The following PDE7B variants were observed in gnomAD, a reference collection of about 807,000 sequenced individuals.
PDE7B encodes the protein phosphodiesterase 7B.
PDE7B carries 29 observed loss-of-function variants against 56.2 expected under a neutral mutation model. That is an observed-to-expected ratio of 0.52 (90% CI 0.38 to 0.70). PDE7B has a LOEUF of 0.70. PDE7B is among the 30% of genes least tolerant of loss of function. PDE7B has a pLI of 0.00. For missense variants in PDE7B, 490 were observed against 565.0 expected (o/e 0.87, Z 1.35); for synonymous variants, 197 against 196.9 (o/e 1.00, Z 0.00).
At chr6:135,935,190 T>TTATTTATATATATATATATA (rs1554268032) in intron 1 of PDE7B, among the ~76,000 whole-genome samples, 2 of 36,190 alleles carry the variant, frequency 5.5e-5, no homozygotes, top group South Asian at 1.0e-3. Context: ...ATATATTTAT[T>TTATTTATATATATATATATA]TATATATATA....
intron 1 of PDE7B, among the ~76,000 whole-genome samples, chr6:135,937,241 C>T (rs1440629582): frequency 6.6e-6 from 1 of 152,212 alleles, no homozygotes; most frequent in Non-Finnish European, 1.5e-5. Flanking sequence ...TGGGATCTCT[C>T]TATTGCCTTG....
At chr6:135,994,362 A>G (rs1343586582) in intron 2 of PDE7B, among the ~76,000 whole-genome samples, 1 of 152,224 alleles carries the variant, frequency 6.6e-6, no homozygotes, top group Non-Finnish European at 1.5e-5. Context: ...GGTGAAAAAA[A>G]TAGTATGGTT....
At chr6:135,873,036 C>T (rs1219609661) in intron 1 of PDE7B, among the ~76,000 whole-genome samples, 2 of 152,048 alleles carry the variant, frequency 1.3e-5, no homozygotes, top group Non-Finnish European at 2.9e-5. Flanking sequence ...TAAATAGAAA[C>T]GTTCTATGTA....
rs1775246135 is a variant in PDE7B at position 135,865,741 on chromosome 6, GCTTC to G, written c.21+13723_21+13726del. 3.9e-5 allele frequency among the ~76,000 whole-genome samples: 6 copies of G among 151,920 alleles called. No individual in the cohort carries two copies. In the South Asian group the frequency reaches 1.3e-3, roughly 32 times the overall value. ...CTGTCTCTAGATAGGATCTACATTT[GCTTC>G]AGCAGTTATCAGTGGTAATAACAAT... On this transcript the variant is annotated intron_variant, in intron 1 of 12. Coordinates refer to ENST00000308191, the MANE Select transcript of PDE7B (RefSeq NM_018945.4).
At chr6:136,074,115 T>C (rs1777092160) in intron 2 of PDE7B, among the ~76,000 whole-genome samples, 1 of 152,046 alleles carries the variant, frequency 6.6e-6, no homozygotes, top group Non-Finnish European at 1.5e-5. Flanking sequence ...TCCCAGCTAC[T>C]TGGGTAAAAG....
intron 3 of PDE7B, among the ~76,000 whole-genome samples, chr6:136,130,456 G>A (rs537847072): frequency 6.6e-6 from 1 of 152,292 alleles, no homozygotes; most frequent in South Asian, 2.1e-4. Flanking sequence ...CATCAAGTGT[G>A]AGCGGCAAAG....
At chr6:135,927,066 C>G (rs79509951) in intron 1 of PDE7B, among the ~76,000 whole-genome samples, 2 of 152,192 alleles carry the variant, frequency 1.3e-5, no homozygotes, top group African/African-American at 4.8e-5. Context: ...GTTTAATGAG[C>G]TTTTTCTGGA....
At chr6:135,967,213 G>A (rs955753877) in intron 2 of PDE7B, among the ~76,000 whole-genome samples, 2 of 152,098 alleles carry the variant, frequency 1.3e-5, no homozygotes, top group African/African-American at 4.8e-5. Context: ...TCCTTCCCCA[G>A]ATTGTACACC....
intron 1 of PDE7B, among the ~76,000 whole-genome samples, chr6:135,914,953 T>C (rs1166872816): frequency 6.6e-6 from 1 of 151,572 alleles, no homozygotes; most frequent in East Asian, 1.9e-4. Flanking sequence ...ATTAGCCAGG[T>C]GTGGTGGCAG....
At chr6:136,153,549 C>T (rs1778558986) in intron 6 of PDE7B, among the ~76,000 whole-genome samples, 1 of 152,132 alleles carries the variant, frequency 6.6e-6, no homozygotes, top group East Asian at 1.9e-4. Flanking sequence ...AAGAAGTCCA[C>T]AGTTGGATCA....
At chr6:135,858,201 G>A (rs1430045317) in intron 1 of PDE7B, among the ~76,000 whole-genome samples, 1 of 151,990 alleles carries the variant, frequency 6.6e-6, no homozygotes, top group East Asian at 1.9e-4. Context: ...TGCCCAGGGT[G>A]GAGTGAAGTG....
At chr6:135,988,835 C>A (rs947642145) in intron 2 of PDE7B, among the ~76,000 whole-genome samples, 1 of 152,110 alleles carries the variant, frequency 6.6e-6, no homozygotes, top group African/African-American at 2.4e-5. Context: ...GGCTGTATCT[C>A]TTTTATAGAA....
chr6:135,986,885 C>T (rs1364372632), intron 2 of PDE7B, among the ~76,000 whole-genome samples: 2 of 152,198 alleles, frequency 1.3e-5, no homozygotes, highest in Non-Finnish European at 2.9e-5. Context: ...GTGACCAGTG[C>T]CGTCCTAGGT....
At position 136,191,951 on chromosome 6, in the gene PDE7B, G is replaced by GCGTTCCAAAGAGCCCCA; in HGVS notation, c.*111_*112insCGTTCCAAAGAGCCCCA. On this transcript the variant is annotated 3_prime_UTR_variant, in exon 13 of 13. Coordinates refer to ENST00000308191, the MANE Select transcript of PDE7B (RefSeq NM_018945.4). ...CAGCCACTTTCTGAGTGTTGTCCTG[G>GCGTTCCAAAGAGCCCCA]GGCTCTTTGGAACGCCATCTTCCTC... 2.5e-6 allele frequency: 2 copies of GCGTTCCAAAGAGCCCCA among 790,122 alleles called. No individual in the cohort carries two copies. The highest frequency in any genetic ancestry group is 4.0e-6 in the Non-Finnish European group (2 of 500,006). The allele number at this position is 790,122 out of a possible 1,614,324, so 48.9% of individuals were successfully genotyped here.
chr6:136,153,924 C>A, intron 6 of PDE7B, 151 bp from the exon 7 acceptor site: 1 of 586,174 alleles, frequency 1.7e-6, no homozygotes, highest in South Asian at 2.2e-5. Context: ...AACTGCCAAG[C>A]TTGCAAACCA....
At chr6:135,887,042 T>C (rs1316101387) in intron 1 of PDE7B, among the ~76,000 whole-genome samples, 1 of 152,188 alleles carries the variant, frequency 6.6e-6, no homozygotes, top group Non-Finnish European at 1.5e-5. Context: ...TTTTTTGTCT[T>C]TTTAATAATA....
intron 2 of PDE7B, among the ~76,000 whole-genome samples, chr6:136,021,272 C>T (rs1776066044): frequency 6.6e-6 from 1 of 152,188 alleles, no homozygotes; most frequent in East Asian, 1.9e-4. Flanking sequence ...TTCTTACTAT[C>T]CCAGCAAATA....
At chr6:135,996,771 C>T (rs17238980) in intron 2 of PDE7B, among the ~76,000 whole-genome samples, 436 of 152,306 alleles carry the variant, frequency 2.9e-3, no homozygotes, top group Non-Finnish European at 5.1e-3. Context: ...TACCCTACTT[C>T]TTTTCCAGTA....
intron 2 of PDE7B, among the ~76,000 whole-genome samples, chr6:136,091,228 A>G (rs1485357301): frequency 1.3e-5 from 2 of 152,212 alleles, no homozygotes; most frequent in African/African-American, 4.8e-5. Context: ...TTAAATCAGA[A>G]TATCTAATTG....
Sources: gnomAD v4.1 joint callset for allele counts (sites outside exome capture counted in the v4.1 genomes callset) on GRCh38, gnomAD v4.1.1 for gene constraint, MANE v1.5 for transcripts, NCBI Gene and HGNC (gene_info 2026-07-23, HGNC 2026-07-21) for gene names.